Variants in MGAT4C observed in about 807,000 individuals in gnomAD.
MGAT4C encodes MGAT4 family member C, also known as alpha-1,3-mannosyl-glycoprotein 4-beta-N-acetylglucosaminyltransferase C.
MGAT4C carries 19 observed loss-of-function variants against 40.1 expected under a neutral mutation model. That is an observed-to-expected ratio of 0.47 (90% confidence interval 0.33 to 0.70). The LOEUF is 0.70. Ranked by LOEUF, MGAT4C falls within the 30% of genes least tolerant of loss-of-function variation. MGAT4C has a pLI of 0.02. For missense variants in MGAT4C, 491 were observed against 563.2 expected (o/e 0.87, Z 1.30); for synonymous variants, 181 against 187.1 (o/e 0.97, Z 0.27).
chr12:86,042,848 A>T (rs577182838), intron 2 of MGAT4C, among the ~76,000 whole-genome samples: 1 of 143,146 alleles, frequency 7.0e-6, no homozygotes, highest in Non-Finnish European at 1.5e-5. Flanking sequence ...AGCCTGGGCA[A>T]CAGAGCAAGA....
chr12:86,693,314 G>T (rs1264573471), intron 2 of MGAT4C, among the ~76,000 whole-genome samples: 2 of 152,080 alleles, frequency 1.3e-5, no homozygotes, highest in East Asian at 3.8e-4. Flanking sequence ...ATAACGGCAA[G>T]GAATTCTTCT....
intron 1 of MGAT4C, among the ~76,000 whole-genome samples, chr12:86,749,219 C>T (rs1185182635): frequency 6.6e-6 from 1 of 151,656 alleles, no homozygotes; most frequent in Non-Finnish European, 1.5e-5. Context: ...TTCTTCTAAA[C>T]AATAGATGCA....
chr12:86,749,424 T>C (rs919610811), intron 1 of MGAT4C, among the ~76,000 whole-genome samples: 1 of 151,718 alleles, frequency 6.6e-6, no homozygotes, highest in African/African-American at 2.4e-5. Flanking sequence ...CATTCAATTG[T>C]TTTATGAGGA....
At chr12:86,632,869 C>A (rs1175053731) in intron 2 of MGAT4C, among the ~76,000 whole-genome samples, 2 of 151,902 alleles carry the variant, frequency 1.3e-5, no homozygotes, top group Non-Finnish European at 2.9e-5. Flanking sequence ...AACAAACCTG[C>A]ATGTTGTGCA....
chr12:86,021,016 T>C (rs1306069925), intron 2 of MGAT4C, among the ~76,000 whole-genome samples: 1 of 151,976 alleles, frequency 6.6e-6, no homozygotes, highest in Non-Finnish European at 1.5e-5. Context: ...ATGAGAGAAA[T>C]GCAAATCAAA....
intron 2 of MGAT4C, among the ~76,000 whole-genome samples, chr12:85,995,009 T>A (rs1008365225): frequency 6.6e-6 from 1 of 152,226 alleles, no homozygotes; most frequent in Non-Finnish European, 1.5e-5. Flanking sequence ...AACTTTACCA[T>A]CTTCAGTCAC....
At chr12:86,278,765 T>C (rs751869223) in intron 4 of MGAT4C, among the ~76,000 whole-genome samples, 1 of 152,180 alleles carries the variant, frequency 6.6e-6, no homozygotes, top group African/African-American at 2.4e-5. Context: ...GTGGGCATCC[T>C]TGGCACGCTT....
intron 3 of MGAT4C, among the ~76,000 whole-genome samples, chr12:85,986,610 C>T (rs1005517628): frequency 1.3e-5 from 2 of 152,200 alleles, no homozygotes; most frequent in African/African-American, 2.4e-5. Flanking sequence ...AGAGACCTTA[C>T]TACTTCTAAC....
At chr12:86,088,991 G>A (rs992452994) in intron 1 of MGAT4C, among the ~76,000 whole-genome samples, 2 of 151,870 alleles carry the variant, frequency 1.3e-5, no homozygotes, top group African/African-American at 2.4e-5. Flanking sequence ...CATTTCATAT[G>A]TTTCATGTTT....
intron 2 of MGAT4C, among the ~76,000 whole-genome samples, chr12:86,661,514 A>G (rs1289559646): frequency 6.6e-6 from 1 of 152,196 alleles, no homozygotes; most frequent in East Asian, 1.9e-4. Flanking sequence ...TAAAGCTAGT[A>G]AAACATAAAA....
At chr12:86,116,868 G>A (rs1462700952) in intron 1 of MGAT4C, among the ~76,000 whole-genome samples, 1 of 152,024 alleles carries the variant, frequency 6.6e-6, no homozygotes, top group Non-Finnish European at 1.5e-5. Context: ...AAATATCAAT[G>A]CAATTGAACA....
intron 4 of MGAT4C, among the ~76,000 whole-genome samples, chr12:86,320,994 A>G (rs934519448): frequency 2.6e-5 from 4 of 152,102 alleles, no homozygotes; most frequent in African/African-American, 9.7e-5. Context: ...GAAAAAATCA[A>G]AAATGTACCC....
chr12:86,716,412 T>C (rs968716133), intron 2 of MGAT4C, among the ~76,000 whole-genome samples: 1 of 152,110 alleles, frequency 6.6e-6, no homozygotes, highest in Non-Finnish European at 1.5e-5. Flanking sequence ...TGTTCATTAA[T>C]CTTTGAAAGC....
chr12:86,522,609 T>C (rs1027240244), intron 2 of MGAT4C, among the ~76,000 whole-genome samples: 2 of 152,042 alleles, frequency 1.3e-5, no homozygotes, highest in Non-Finnish European at 2.9e-5. Flanking sequence ...ACGCTGGTCT[T>C]ATGGAATGTG....
intron 1 of MGAT4C, among the ~76,000 whole-genome samples, chr12:86,185,363 T>C (rs1182667513): frequency 3.3e-5 from 5 of 152,160 alleles, no homozygotes. Flanking sequence ...TGATACATTG[T>C]AGGCAATTCC....
intron 3 of MGAT4C, among the ~76,000 whole-genome samples, chr12:86,365,542 A>G (rs762722388): frequency 2.2e-4 from 33 of 152,204 alleles, no homozygotes; most frequent in Admixed American, 1.8e-3. Flanking sequence ...TGCAGTAAAG[A>G]CAAGCATAAG....
intron 3 of MGAT4C, among the ~76,000 whole-genome samples, chr12:86,383,576 A>AC (rs56072544): frequency 4.1e-5 from 6 of 145,758 alleles, no homozygotes; most frequent in Admixed American, 7.0e-5. Context: ...AAAAAAAAAA[A>AC]CAGAAAGAAA....
intron 1 of MGAT4C, among the ~76,000 whole-genome samples, chr12:86,096,083 C>T (rs2135583015): frequency 6.6e-6 from 1 of 151,810 alleles, no homozygotes; most frequent in South Asian, 2.1e-4. Context: ...CCCTTGTTAT[C>T]TAAAATATAT....
chr12:86,520,931 C>T (rs1302872638), intron 2 of MGAT4C, among the ~76,000 whole-genome samples: 5 of 151,616 alleles, frequency 3.3e-5, no homozygotes, highest in South Asian at 2.1e-4. Context: ...TGTTTTTTAT[C>T]GAAATTTGTT....
Sources: gnomAD v4.1 joint callset for allele counts (sites outside exome capture counted in the v4.1 genomes callset) on GRCh38, gnomAD v4.1.1 for gene constraint, MANE v1.5 for transcripts, NCBI Gene and HGNC (gene_info 2026-07-23, HGNC 2026-07-21) for gene names.